Variants in SNX30 observed in about 807,000 individuals in gnomAD.
SNX30 encodes the protein sorting nexin family member 30.
Under a neutral mutation model 46.4 loss-of-function variants are expected in SNX30, and 24 were observed. That is an observed-to-expected ratio of 0.52 (90% CI 0.37 to 0.73). The LOEUF is 0.73. SNX30 is among the 30% of genes least tolerant of loss of function. SNX30 has a pLI of 0.00. For synonymous variants in SNX30, 189 were observed against 211.5 expected (o/e 0.89, Z 0.92); for missense variants, 533 against 555.7 (o/e 0.96, Z 0.41).
Position 112,817,706 on chromosome 9 carries a change from G to A in SNX30, c.350G>A (p.Ser117Asn), listed in dbSNP as rs754017605. The change falls in exon 3 of 9, where the codon AGT becomes AAT. Residue 117 changes from serine to asparagine, a missense_variant and splice_region_variant. Ser to Asn is a conservative substitution (Grantham distance 46). Around this residue, in one of 3 missense-constraint regions of SNX30, gnomAD observed 191 missense variants for 160.3 expected, o/e 1.19. Transcript: ENST00000374232. ...TTTTTTCCATTCTCTTCTTTGCAGA[G>A]TACTCGGGTGGAGTTTGACCTGCCA... ...TYITYRITTK[S>N]TRVEFDLPEY... The A allele has an allele frequency of 6.3e-7, 1 of 1,580,648 alleles. No homozygotes were observed. The highest frequency in any genetic ancestry group is 1.7e-5 in the Admixed American group (1 of 59,960).
intron 7 of SNX30, among the ~76,000 whole-genome samples, chr9:112,851,537 A>G (rs1181824506): frequency 2.0e-5 from 3 of 152,170 alleles, no homozygotes; most frequent in Admixed American, 6.5e-5. Context: ...AGCAGCACTA[A>G]TCTTGCTTGT....
chr9:112,866,659 T>C, intron 8 of SNX30: 1 of 415,864 alleles, frequency 2.4e-6, no homozygotes. Flanking sequence ...TGGCTTGACC[T>C]AGGATGCCTC....
intron 1 of SNX30, among the ~76,000 whole-genome samples, chr9:112,763,509 A>G (rs960034245): frequency 6.6e-6 from 1 of 151,238 alleles, no homozygotes; most frequent in African/African-American, 2.4e-5. Flanking sequence ...GATGTGAGCC[A>G]CTATACCTGG....
chr9:112,834,843 AACACACAC>A (rs79118828), intron 4 of SNX30, among the ~76,000 whole-genome samples: 3,142 of 78,384 alleles, frequency 0.04, 129 homozygotes, highest in African/African-American at 0.14. Context: ...CACACACACA[AACACACAC>A]ACACACACAC....
chr9:112,862,796 C>T (rs1043908864), intron 7 of SNX30, among the ~76,000 whole-genome samples: 1 of 151,908 alleles, frequency 6.6e-6, no homozygotes, highest in African/African-American at 2.4e-5. Context: ...TTCCTGACCT[C>T]CAGTGATCTT....
At chr9:112,878,992 A>C (rs559230708), downstream of SNX30, 1 of 152,240 alleles carries the variant, frequency 6.6e-6, no homozygotes, top group Non-Finnish European at 1.5e-5. Flanking sequence ...AAAAATGACT[A>C]CCTCAAATAA....
At chr9:112,807,609 G>A (rs777405580) in intron 2 of SNX30, among the ~76,000 whole-genome samples, 42 of 152,148 alleles carry the variant, frequency 2.8e-4, no homozygotes, top group Non-Finnish European at 5.4e-4. Context: ...TGAAAGGTAA[G>A]CCTGTTTTTC....
At chr9:112,817,303 A>G (rs978942351) in intron 2 of SNX30, among the ~76,000 whole-genome samples, 2 of 142,350 alleles carry the variant, frequency 1.4e-5, no homozygotes, top group African/African-American at 2.6e-5. Flanking sequence ...AGAAATTGTT[A>G]GAGTTAAGCT....
intron 4 of SNX30, among the ~76,000 whole-genome samples, chr9:112,834,973 C>G (rs941927226): frequency 2.0e-5 from 3 of 152,098 alleles, no homozygotes; most frequent in African/African-American, 7.2e-5. Context: ...GGTGCCTACA[C>G]TCAGATACTA....
At chr9:112,844,947 T>C (rs1045308489) in intron 6 of SNX30, among the ~76,000 whole-genome samples, 1 of 152,144 alleles carries the variant, frequency 6.6e-6, no homozygotes, top group Non-Finnish European at 1.5e-5. Context: ...AAAACTGAAA[T>C]GAAGAGTTTT....
intron 7 of SNX30, among the ~76,000 whole-genome samples, chr9:112,853,059 A>G (rs900523294): frequency 2.0e-5 from 3 of 152,126 alleles, no homozygotes; most frequent in Non-Finnish European, 2.9e-5. Flanking sequence ...GTGGGTGAGG[A>G]AATGAGGCAC....
At chr9:112,774,915 AC>A (rs1307135866) in intron 1 of SNX30, among the ~76,000 whole-genome samples, 1 of 138,148 alleles carries the variant, frequency 7.2e-6, no homozygotes, top group African/African-American at 2.8e-5. Context: ...CGCCGTCTCG[AC>A]TCACTGCAAC....
At chr9:112,852,199 C>A (rs1382065458) in intron 7 of SNX30, among the ~76,000 whole-genome samples, 3 of 151,600 alleles carry the variant, frequency 2.0e-5, no homozygotes, top group Admixed American at 6.6e-5. Context: ...GTTATGATTG[C>A]GCCTGTGAAT....
At chr9:112,852,784 C>T (rs182139617) in intron 7 of SNX30, among the ~76,000 whole-genome samples, 15 of 152,154 alleles carry the variant, frequency 9.9e-5, no homozygotes, top group Admixed American at 3.3e-4. Flanking sequence ...GAGTGAGGAA[C>T]GTTAGTAAGA....
chr9:112,823,521 G>A (rs1474970223), intron 3 of SNX30, among the ~76,000 whole-genome samples: 1 of 152,140 alleles, frequency 6.6e-6, no homozygotes, highest in Non-Finnish European at 1.5e-5. Context: ...GATTAGATGG[G>A]TGCCCGTATT....
intron 1 of SNX30, among the ~76,000 whole-genome samples, chr9:112,778,849 G>A (rs1839794439): frequency 6.8e-6 from 1 of 146,866 alleles, no homozygotes; most frequent in South Asian, 2.2e-4. Context: ...CAGATCATAA[G>A]TGTTATGAAA....
chr9:112,847,507 A>G (rs963465185), intron 6 of SNX30, among the ~76,000 whole-genome samples: 2 of 151,926 alleles, frequency 1.3e-5, no homozygotes, highest in Admixed American at 6.6e-5. Flanking sequence ...TTAGTGTTCA[A>G]ATTTCCCCAG....
intron 1 of SNX30, among the ~76,000 whole-genome samples, chr9:112,787,722 A>G (rs1220819969): frequency 6.6e-6 from 1 of 151,858 alleles, no homozygotes; most frequent in African/African-American, 2.4e-5. Flanking sequence ...TTGGCCCCCA[A>G]GGTGCCTATG....
intron 1 of SNX30, among the ~76,000 whole-genome samples, chr9:112,796,533 G>A (rs750837814): frequency 1.3e-5 from 2 of 152,118 alleles, no homozygotes; most frequent in Non-Finnish European, 2.9e-5. Context: ...GCTGTTGAAG[G>A]TATGACGTCC....
Sources: gnomAD v4.1 joint callset for allele counts (sites outside exome capture counted in the v4.1 genomes callset) on GRCh38, gnomAD v4.1.1 for gene constraint, gnomAD v4.1.1 regional missense constraint, MANE v1.5 for transcripts, NCBI Gene and HGNC (gene_info 2026-07-23, HGNC 2026-07-21) for gene names.